Variants in FOXP2 observed in about 807,000 individuals in gnomAD.
FOXP2 encodes the protein forkhead box protein P2.
In FOXP2, 12 loss-of-function variants were observed where a neutral mutation model predicts 115.8. That is an observed-to-expected ratio of 0.10 (90% CI 0.07 to 0.17). The LOEUF (loss-of-function observed/expected upper bound fraction) is 0.17. FOXP2 is among the 10% of genes least tolerant of loss of function. The probability of loss-of-function intolerance (pLI) is 1.00; values close to 1 mark genes in which losing one functional copy is unlikely to be tolerated. For synonymous variants in FOXP2, 328 were observed against 297.7 expected (o/e 1.10, Z -1.05); for missense variants, 629 against 843.5 (o/e 0.75, Z 3.15).
intron 3 of FOXP2, among the ~76,000 whole-genome samples, chr7:114,564,057 T>C (rs1800881238): frequency 1.3e-5 from 2 of 152,058 alleles, no homozygotes; most frequent in Non-Finnish European, 2.9e-5. Context: ...TGCTTTCTAC[T>C]TGTCAAAAAA....
intron 11 of FOXP2, among the ~76,000 whole-genome samples, chr7:114,658,814 C>G (rs1431923248): frequency 4.6e-5 from 7 of 150,822 alleles, no homozygotes; most frequent in Admixed American, 4.0e-4. Flanking sequence ...TTACCCTTCT[C>G]CCTTCTCCCT....
intron 1 of FOXP2, among the ~76,000 whole-genome samples, chr7:114,119,959 A>G (rs1461746695): frequency 6.6e-6 from 1 of 152,128 alleles, no homozygotes; most frequent in African/African-American, 2.4e-5. Flanking sequence ...AATGCTGCTG[A>G]TCTTCCAATC....
At chr7:114,560,231 T>C (rs1449641460) in intron 3 of FOXP2, among the ~76,000 whole-genome samples, 1 of 152,232 alleles carries the variant, frequency 6.6e-6, no homozygotes, top group Non-Finnish European at 1.5e-5. Context: ...TTGCCGTTTT[T>C]ACATATTAAG....
Position 114,146,906 on chromosome 7 carries a change from T to G in FOXP2, c.-246-16038T>G, listed in dbSNP as rs17136820. ...ACAGATGGCCACCTACCTAGCTTCA[T>G]CCTAACCATTTCTACTCATTGTTAC... On this transcript the variant is annotated intron_variant, in intron 1 of 19. Transcript: ENST00000635638. 9.6e-3 allele frequency among the ~76,000 whole-genome samples: 1,462 copies of G among 152,278 alleles called. 32 individuals are homozygous for G. The highest frequency in any genetic ancestry group is 0.033 in the African/African-American group (1,390 of 41,552).
intron 10 of FOXP2, among the ~76,000 whole-genome samples, chr7:114,654,766 C>A (rs1806478464): frequency 6.6e-6 from 1 of 152,006 alleles, no homozygotes; most frequent in African/African-American, 2.4e-5. Flanking sequence ...TTGTGGGATA[C>A]TTTTTAATAA....
chr7:114,554,585 A>C (rs1021967467), intron 3 of FOXP2, among the ~76,000 whole-genome samples: 1 of 152,064 alleles, frequency 6.6e-6, no homozygotes, highest in African/African-American at 2.4e-5. Context: ...ATTTTTTGAA[A>C]ATTTAAGTTG....
chr7:114,287,475 G>C (rs1173351472), intron 1 of FOXP2, among the ~76,000 whole-genome samples: 1 of 151,876 alleles, frequency 6.6e-6, no homozygotes. Flanking sequence ...ACTAGAAAAC[G>C]AGAGTAGTTG....
chr7:114,497,518 G>A (rs1797373571), intron 2 of FOXP2, among the ~76,000 whole-genome samples: 1 of 151,954 alleles, frequency 6.6e-6, no homozygotes, highest in Non-Finnish European at 1.5e-5. Flanking sequence ...GTGTGGTGGT[G>A]CACATCTGTA....
chr7:114,548,560 A>C (rs1455517222), intron 3 of FOXP2, among the ~76,000 whole-genome samples: 2 of 152,234 alleles, frequency 1.3e-5, no homozygotes, highest in Non-Finnish European at 2.9e-5. Flanking sequence ...GTTTTCTAGG[A>C]AAATTTAGAA....
intron 2 of FOXP2, among the ~76,000 whole-genome samples, chr7:114,333,724 G>A (rs1385088144): frequency 1.3e-5 from 2 of 151,992 alleles, no homozygotes; most frequent in Non-Finnish European, 2.9e-5. Context: ...CCCGTCTCTA[G>A]TAAACATACA....
intron 1 of FOXP2, among the ~76,000 whole-genome samples, chr7:114,225,312 C>T (rs887116788): frequency 3.9e-5 from 6 of 152,020 alleles, no homozygotes; most frequent in Admixed American, 1.3e-4. Flanking sequence ...GCCTTCCCCC[C>T]CTCCCCCTTT....
intron 1 of FOXP2, among the ~76,000 whole-genome samples, chr7:114,212,047 C>A (rs1331136687): frequency 1.4e-5 from 2 of 147,974 alleles, no homozygotes; most frequent in East Asian, 4.0e-4. Flanking sequence ...CCAGCCTGGG[C>A]GACTGGAGCG....
intron 2 of FOXP2, among the ~76,000 whole-genome samples, chr7:114,370,773 G>T (rs1246314618): frequency 6.6e-6 from 1 of 152,030 alleles, no homozygotes; most frequent in African/African-American, 2.4e-5. Flanking sequence ...AAATATTTTT[G>T]TTTTTTTACA....
intron 3 of FOXP2, among the ~76,000 whole-genome samples, chr7:114,545,271 T>A (rs1799859471): frequency 6.6e-6 from 1 of 152,216 alleles, no homozygotes; most frequent in Non-Finnish European, 1.5e-5. Flanking sequence ...TACTTCCAGA[T>A]GCAACAGTTA....
At chr7:114,434,371 TG>T (rs1794244910) in intron 2 of FOXP2, among the ~76,000 whole-genome samples, 1 of 150,914 alleles carries the variant, frequency 6.6e-6, no homozygotes, top group South Asian at 2.1e-4. Context: ...GATTGTTTTT[TG>T]GGCTCTCATT....
chr7:114,278,225 A>C (rs1796241049), intron 1 of FOXP2, among the ~76,000 whole-genome samples: 1 of 152,168 alleles, frequency 6.6e-6, no homozygotes, highest in South Asian at 2.1e-4. Context: ...GTATTCATTA[A>C]AAATGCCAGC....
Position 114,659,498 on chromosome 7 carries a change from T to G in FOXP2, c.1545+66T>G, listed in dbSNP as rs1476506789. The stretch of plus-strand genomic sequence containing the variant: ...ATTCATTAATGCTTAAAGTAAGGCT[T>G]GGATGAGAAAGTGTCATCTAGTCTA... On this transcript the variant is annotated intron_variant, in intron 12 of 16. Coordinates refer to ENST00000350908, the MANE Select transcript of FOXP2 (RefSeq NM_014491.4). 3 of 1,584,394 alleles carry G rather than the reference T, an allele frequency of 1.9e-6. No homozygotes were observed. In the Admixed American group the frequency reaches 5.0e-5, roughly 26 times the overall value.
At chr7:114,262,481 G>A (rs745618779) in intron 1 of FOXP2, among the ~76,000 whole-genome samples, 2 of 152,052 alleles carry the variant, frequency 1.3e-5, no homozygotes, top group Non-Finnish European at 2.9e-5. Context: ...GCATCACTCA[G>A]TATACCCAGG....
At chr7:114,114,509 G>A (rs1791352672) in intron 1 of FOXP2, among the ~76,000 whole-genome samples, 1 of 152,000 alleles carries the variant, frequency 6.6e-6, no homozygotes, top group African/African-American at 2.4e-5. Context: ...TTATGAGACG[G>A]ACTAAGATAT....
Sources: gnomAD v4.1 joint callset for allele counts (sites outside exome capture counted in the v4.1 genomes callset) on GRCh38, gnomAD v4.1.1 for gene constraint, MANE v1.5 for transcripts, NCBI Gene and HGNC (gene_info 2026-07-23, HGNC 2026-07-21) for gene names.